PDSS2: variants seen among roughly 807,000 people sequenced by gnomAD.
PDSS2 encodes the protein decaprenyl diphosphate synthase subunit 2.
In PDSS2, 31 loss-of-function variants were observed where a neutral mutation model predicts 44.5. The ratio of observed to expected loss-of-function variants is 0.70; its 90% CI spans 0.52 to 0.94. PDSS2 has a LOEUF of 0.94. PDSS2 is among the 40% of genes least tolerant of loss of function. The pLI, the probability that PDSS2 is intolerant of heterozygous loss-of-function variation, is 0.00. For missense variants in PDSS2, 452 were observed against 482.2 expected, an observed-to-expected ratio of 0.94 and a Z score of 0.59; for synonymous variants, 157 against 180.3, an observed-to-expected ratio of 0.87 and a Z score of 1.03.
At chr6:107,390,419 T>C (rs749909213) in intron 1 of PDSS2, among the ~76,000 whole-genome samples, 26 of 152,124 alleles carry the variant, frequency 1.7e-4, no homozygotes, top group East Asian at 1.9e-4. Context: ...CACAAAATAG[T>C]TGACCAATAC....
intron 7 of PDSS2, among the ~76,000 whole-genome samples, chr6:107,189,755 C>G (rs1374540754): frequency 6.6e-6 from 1 of 152,118 alleles, no homozygotes; most frequent in Non-Finnish European, 1.5e-5. Flanking sequence ...TATTTGTGCA[C>G]CATATTTTTC....
At chr6:107,326,453 T>G (rs1253594391) in intron 2 of PDSS2, among the ~76,000 whole-genome samples, 1 of 152,126 alleles carries the variant, frequency 6.6e-6, no homozygotes, top group African/African-American at 2.4e-5. Flanking sequence ...GGACACAGTC[T>G]TCTCTTATCA....
At chr6:107,188,162 G>C (rs764462313) in intron 7 of PDSS2, among the ~76,000 whole-genome samples, 25 of 152,088 alleles carry the variant, frequency 1.6e-4, no homozygotes, top group Non-Finnish European at 3.1e-4. Context: ...AGATCGCTTT[G>C]AGTTCAGGAG....
intron 1 of PDSS2, among the ~76,000 whole-genome samples, chr6:107,382,487 T>C (rs1428226259): frequency 6.6e-6 from 1 of 152,156 alleles, no homozygotes; most frequent in Non-Finnish European, 1.5e-5. Context: ...AGTATAATAA[T>C]GGCATAAGGG....
At chr6:107,388,394 G>A (rs1453808025) in intron 1 of PDSS2, among the ~76,000 whole-genome samples, 2 of 151,354 alleles carry the variant, frequency 1.3e-5, no homozygotes, top group Non-Finnish European at 2.9e-5. Flanking sequence ...ATGCTCCTAC[G>A]TATTTATTCA....
At chr6:107,268,807 T>C (rs1309110341) in intron 3 of PDSS2, among the ~76,000 whole-genome samples, 1 of 152,214 alleles carries the variant, frequency 6.6e-6, no homozygotes, top group African/African-American at 2.4e-5. Flanking sequence ...ACCTGATAAG[T>C]TCAGAGTAAA....
At chr6:107,292,131 CTA>C (rs1308686417) in intron 2 of PDSS2, among the ~76,000 whole-genome samples, 1 of 151,164 alleles carries the variant, frequency 6.6e-6, no homozygotes, top group Non-Finnish European at 1.5e-5. Flanking sequence ...ATACTTCAGT[CTA>C]TGTTAGAATC....
At chr6:107,430,425 G>A (rs1419108722) in intron 1 of PDSS2, among the ~76,000 whole-genome samples, 2 of 152,074 alleles carry the variant, frequency 1.3e-5, no homozygotes, top group African/African-American at 2.4e-5. Flanking sequence ...ACTCGAACCC[G>A]GGAGGTAGAG....
At chr6:107,264,265 A>C in intron 3 of PDSS2, 1 of 1,361,338 alleles carries the variant, frequency 7.3e-7, no homozygotes, top group Non-Finnish European at 9.5e-7. Flanking sequence ...ATTTGTACAA[A>C]CAAAATACTT....
At chr6:107,394,126 G>A (rs749100737) in intron 1 of PDSS2, among the ~76,000 whole-genome samples, 7 of 151,670 alleles carry the variant, frequency 4.6e-5, no homozygotes, top group African/African-American at 7.3e-5. Context: ...TTTTTTCCTC[G>A]TTTCCTGCCT....
In PDSS2 at chr6:107,245,628, C is replaced by G; in HGVS notation, c.631-9G>C. 6.5e-7 allele frequency: 1 copy of G among 1,543,360 alleles called. No homozygotes were observed. Among genetic ancestry groups the G allele is most frequent in the Non-Finnish European group, 8.9e-7 (1 of 1,126,036 alleles). On this transcript the variant is annotated splice_polypyrimidine_tract_variant and intron_variant, in intron 3 of 7. Transcript: ENST00000369037. ...GCTAAAAGTTCCACAACCTAAAAAGCAAGAAGAAAAATAAAAATAAAAAAA... is the reference window on the plus strand; with the variant it reads ...GCTAAAAGTTCCACAACCTAAAAAGGAAGAAGAAAAATAAAAATAAAAAAA...
rs150387945 is a variant in PDSS2 at position 107,156,380 on chromosome 6, C to T, written c.1042-1603G>A. On this transcript the variant is annotated intron_variant, in intron 7 of 7. Transcript: ENST00000369037. ...CGGCTAATTTTTTGTATTTTTAGTA[C>T]AGACAGGGTTTCACCGTGTTAGCCA... is the stretch of plus-strand genomic sequence containing the variant. Among the ~76,000 whole-genome samples the T allele has an allele frequency of 7.6e-3, 1,154 of 151,844 alleles. 16 individuals carry two copies. Among genetic ancestry groups the T allele is most frequent in the African/African-American group, 0.026 (1,089 of 41,432 alleles).
intron 7 of PDSS2, among the ~76,000 whole-genome samples, chr6:107,160,177 T>C (rs1245409223): frequency 9.2e-5 from 14 of 152,086 alleles, no homozygotes; most frequent in Admixed American, 2.0e-4. Flanking sequence ...AGTCGCGCCA[T>C]TGCAATCCAG....
chr6:107,169,124 T>C (rs9480745), intron 7 of PDSS2, among the ~76,000 whole-genome samples: 41,485 of 151,924 alleles, frequency 0.27, 5,767 homozygotes, highest in Middle Eastern at 0.35. Flanking sequence ...CAATCAGACG[T>C]AGATTTGGTC....
At chr6:107,192,203 A>C (rs1772404439) in intron 7 of PDSS2, 1 of 224,708 alleles carries the variant, frequency 4.5e-6, no homozygotes, top group Non-Finnish European at 8.9e-6. Context: ...GCTCAAGTAC[A>C]CATCTAAGAC....
At chr6:107,261,893 C>CTTTT (rs150357803) in intron 3 of PDSS2, among the ~76,000 whole-genome samples, 1 of 80,264 alleles carries the variant, frequency 1.2e-5, no homozygotes, top group African/African-American at 5.6e-5. Flanking sequence ...TCAGGTATTT[C>CTTTT]TTTTCTTTCT....
chr6:107,166,445 A>G (rs1362012539), intron 7 of PDSS2, among the ~76,000 whole-genome samples: 1 of 149,658 alleles, frequency 6.7e-6, no homozygotes, highest in African/African-American at 2.5e-5. Context: ...GCTCACTGCA[A>G]ACTCCGCCTC....
chr6:107,459,045 C>T lies in PDSS2; in HGVS notation c.241G>A (p.Ala81Thr), dbSNP rs147287460. The stretch of plus-strand genomic sequence containing the variant: ...CCCACCAGCTTCCGCACCTGCATAG[C>T]GATGTTGCTGAGCTCGTCGCTCAGC... ...CLLSDELSNIAMQVRKLVGTQ... is the reference protein window; with the variant it reads ...CLLSDELSNITMQVRKLVGTQ... Residue 81 changes from alanine (A) to threonine (T), a missense_variant, in exon 1 of 8, where the codon GCT becomes ACT. Ala to Thr is a moderately conservative substitution (Grantham distance 58). Transcript: ENST00000369037. This position sits in a 1 kb window ranked among gnomAD's most constrained non-coding sequence, Gnocchi z 4.3. 1 of 1,614,120 alleles carries T rather than the reference C, an allele frequency of 6.2e-7. No individual in the cohort carries two copies. Among genetic ancestry groups the T allele is most frequent in the Non-Finnish European group, 8.5e-7 (1 of 1,180,030 alleles).
intron 2 of PDSS2, among the ~76,000 whole-genome samples, chr6:107,306,023 T>C (rs62430087): frequency 0.16 from 24,765 of 152,178 alleles, 2,176 homozygotes; most frequent in South Asian, 0.2. Flanking sequence ...CTAAGTACTT[T>C]GTTCAATGTC....
Sources: allele counts gnomAD v4.1 joint callset (sites outside exome capture counted in the v4.1 genomes callset), GRCh38; gene constraint gnomAD v4.1.1; non-coding constraint Gnocchi (gnomAD v3.1); transcripts MANE v1.5; gene names NCBI Gene and HGNC (gene_info 2026-07-23, HGNC 2026-07-21).